The following CCDC149 variants were observed in gnomAD, a reference collection of about 807,000 sequenced individuals.
CCDC149 encodes the protein coiled-coil domain-containing protein 149.
Under a neutral mutation model 59.9 loss-of-function variants are expected in CCDC149, and 45 were observed. The observed-to-expected ratio is 0.75, with a 90% CI of 0.59 to 0.96. The LOEUF is 0.96. CCDC149 is among the 40% of genes least tolerant of loss of function. The pLI, the probability that CCDC149 is intolerant of heterozygous loss-of-function variation, is 0.00. For synonymous variants in CCDC149, 245 were observed against 260.6 expected, an observed-to-expected ratio of 0.94 and a Z score of 0.58; for missense variants, 584 against 664.7, an observed-to-expected ratio of 0.88 and a Z score of 1.33.
intron 12 of CCDC149, among the ~76,000 whole-genome samples, chr4:24,818,440 G>C (rs1371805698): frequency 6.6e-6 from 1 of 152,194 alleles, no homozygotes; most frequent in African/African-American, 2.4e-5. Flanking sequence ...CTGAGCAAGA[G>C]AAGATGGAAA....
intron 1 of CCDC149, among the ~76,000 whole-genome samples, chr4:24,978,027 G>A (rs1032836520): frequency 6.6e-6 from 1 of 152,128 alleles, no homozygotes; most frequent in African/African-American, 2.4e-5. Flanking sequence ...AGCTACTCAG[G>A]AAACCGAGGC....
chr4:24,820,856 C>T (rs1715346688), intron 11 of CCDC149, among the ~76,000 whole-genome samples, 199 bp downstream of exon 11: 1 of 152,202 alleles, frequency 6.6e-6, no homozygotes, highest in African/African-American at 2.4e-5. Flanking sequence ...GCATAAAATT[C>T]ATTCAGCCAG....
chr4:24,898,931 G>A (rs1055636531), intron 1 of CCDC149, among the ~76,000 whole-genome samples: 3 of 152,166 alleles, frequency 2.0e-5, no homozygotes, highest in African/African-American at 7.2e-5. Context: ...GGGAGGTGGT[G>A]GAAATAAGGG....
intron 1 of CCDC149, among the ~76,000 whole-genome samples, chr4:24,895,583 C>A (rs528439812): frequency 6.6e-6 from 1 of 152,232 alleles, no homozygotes; most frequent in Non-Finnish European, 1.5e-5. Context: ...CTAGATAACA[C>A]CTTCAGTCAT....
intron 9 of CCDC149, chr4:24,827,748 T>C (rs1286206411): frequency 6.6e-6 from 1 of 152,232 alleles, no homozygotes; most frequent in Non-Finnish European, 1.5e-5. Flanking sequence ...TTCTTCGAGA[T>C]GGCTTCCGTT....
At chr4:24,943,173 C>G (rs952594955) in intron 1 of CCDC149, among the ~76,000 whole-genome samples, 3 of 152,182 alleles carry the variant, frequency 2.0e-5, no homozygotes, top group Non-Finnish European at 4.4e-5. Context: ...GTAACCAAAA[C>G]AGCATGGTAC....
At chr4:24,894,398 T>A (rs1401748460) in intron 1 of CCDC149, among the ~76,000 whole-genome samples, 1 of 152,112 alleles carries the variant, frequency 6.6e-6, no homozygotes, top group Non-Finnish European at 1.5e-5. Context: ...GGTTTCCAAG[T>A]GTGCACTGTT....
In CCDC149 at chr4:24,854,051, T is replaced by C. The variant is rs530104406; in HGVS notation, c.265-872A>G. Among the ~76,000 whole-genome samples the C allele has an allele frequency of 1.6e-4, 25 of 152,218 alleles. 1 individual carries two copies. The East Asian group carries it at 2.3e-3, about 14-fold the overall frequency. ...CAGTCCATCAGCCAGCCTCCCCTTT[T>C]GGTGTGGCTCCATCTCACAGCCTCA... On this transcript the variant is annotated intron_variant, in intron 3 of 12. Coordinates refer to ENST00000635206, the MANE Select transcript of CCDC149 (RefSeq NM_001330643.2).
At chr4:24,874,244 GT>G (rs5856868) in intron 2 of CCDC149, among the ~76,000 whole-genome samples, 44,966 of 86,980 alleles carry the variant, frequency 0.52, 8,571 homozygotes, top group Non-Finnish European at 0.55. Flanking sequence ...TATTAGATTT[GT>G]TTTTTTTTTT....
chr4:24,829,593 G>C (rs1177997843), intron 9 of CCDC149: 1 of 152,176 alleles, frequency 6.6e-6, no homozygotes, highest in Non-Finnish European at 1.5e-5. Context: ...CAAAGGTGGA[G>C]TTTGGGGATA....
At chr4:24,941,798 GAAATGGAT>G (rs1422681780) in intron 1 of CCDC149, among the ~76,000 whole-genome samples, 5 of 152,304 alleles carry the variant, frequency 3.3e-5, no homozygotes, top group Admixed American at 2.6e-4. Context: ...AAATCTAGAA[GAAATGGAT>G]AAATTCCTTG....
chr4:24,948,757 TAG>T (rs1400574222), intron 1 of CCDC149, among the ~76,000 whole-genome samples: 7 of 152,200 alleles, frequency 4.6e-5, no homozygotes, highest in Non-Finnish European at 8.8e-5. Context: ...TCTTGAATTG[TAG>T]TTCCCATAAT....
At chr4:24,951,326 G>A (rs1723285459) in intron 1 of CCDC149, among the ~76,000 whole-genome samples, 1 of 152,224 alleles carries the variant, frequency 6.6e-6, no homozygotes, top group Non-Finnish European at 1.5e-5. Flanking sequence ...TGGACAGCGT[G>A]GCCCTTGGGA....
At position 24,912,917 on chromosome 4, in the gene CCDC149, T is replaced by G; in HGVS notation, c.-38A>C. ...CTCCTGGACCCCCGCCGCCTCCTCCTCCTCGCGACGTCGCGTCGCCGCCGC... is the reference window on the plus strand; with the variant it reads ...CTCCTGGACCCCCGCCGCCTCCTCCGCCTCGCGACGTCGCGTCGCCGCCGC... On this transcript the variant is annotated 5_prime_UTR_variant, in exon 1 of 13. Transcript: ENST00000635206. 3.3e-6 allele frequency: 4 copies of G among 1,199,910 alleles called. No individual in the cohort carries two copies. Among genetic ancestry groups the G allele is most frequent in the Non-Finnish European group, 4.3e-6 (4 of 931,226 alleles). 74.3% of individuals were successfully genotyped at this position (1,199,910 alleles called of 1,614,324 possible). A position where few individuals can be genotyped will look rare whatever the true frequency, so the allele number is the denominator to read the frequency against.
intron 1 of CCDC149, among the ~76,000 whole-genome samples, chr4:24,978,956 T>C (rs1033638953): frequency 6.9e-6 from 1 of 145,136 alleles, no homozygotes; most frequent in Non-Finnish European, 1.5e-5. Flanking sequence ...ACTTTGTTCT[T>C]ACCCTGAGTT....
intron 1 of CCDC149, among the ~76,000 whole-genome samples, chr4:24,880,644 T>A (rs1577444785): frequency 6.6e-6 from 1 of 152,206 alleles, no homozygotes; most frequent in African/African-American, 2.4e-5. Flanking sequence ...TCCTTCTTAG[T>A]GGGCAGCTTT....
intron 2 of CCDC149, among the ~76,000 whole-genome samples, chr4:24,876,292 TACACACACAC>T (rs61406129): frequency 0.15 from 18,712 of 124,698 alleles, 1,229 homozygotes; most frequent in Middle Eastern, 0.2. Flanking sequence ...CATACACACG[TACACACACAC>T]ACACACACAC....
intron 1 of CCDC149, among the ~76,000 whole-genome samples, chr4:24,970,642 C>G (rs28835667): frequency 3.3e-5 from 5 of 152,096 alleles, no homozygotes; most frequent in African/African-American, 1.2e-4. Context: ...ACCAACATCA[C>G]GCCCTAATGG....
At chr4:24,833,394 C>T (rs540307959) in intron 8 of CCDC149, among the ~76,000 whole-genome samples, 21 of 152,186 alleles carry the variant, frequency 1.4e-4, no homozygotes, top group Admixed American at 1.2e-3. Flanking sequence ...GAAGCCAAGG[C>T]GGGCAGATCA....
Sources: gnomAD v4.1 joint callset for allele counts (sites outside exome capture counted in the v4.1 genomes callset) on GRCh38, gnomAD v4.1.1 for gene constraint, MANE v1.5 for transcripts, NCBI Gene and HGNC (gene_info 2026-07-23, HGNC 2026-07-21) for gene names.